CRB1: variants seen among roughly 807,000 people sequenced by gnomAD.
CRB1 encodes the protein crumbs cell polarity complex component 1, also known as protein crumbs homolog 1.
Under a neutral mutation model 120.0 loss-of-function variants are expected in CRB1, and 83 were observed. That is an observed-to-expected ratio of 0.69 (90% CI 0.58 to 0.83). CRB1 has a LOEUF of 0.83. Among genes scored for constraint, CRB1 ranks in the 40% least tolerant of loss-of-function variants. The probability of loss-of-function intolerance (pLI) is 0.00; values close to 1 mark genes in which losing one functional copy is unlikely to be tolerated. For synonymous variants in CRB1, 625 were observed against 612.5 expected, an observed-to-expected ratio of 1.02 and a Z score of -0.30; for missense variants, 1,699 against 1,687.6, an observed-to-expected ratio of 1.01 and a Z score of -0.12.
At chr1:197,226,803 G>A in the CRB1 span, among the ~76,000 whole-genome samples, 2 of 152,158 alleles carry the variant, frequency 1.3e-5, no homozygotes, top group Non-Finnish European at 2.9e-5. Flanking sequence ...AGTTCCACAT[G>A]GCTGGGGAGG....
chr1:197,366,694 G>A (rs1454877837), intron 5 of CRB1, among the ~76,000 whole-genome samples: 1 of 152,182 alleles, frequency 6.6e-6, no homozygotes, highest in East Asian at 1.9e-4. Flanking sequence ...ATCCTAGTGA[G>A]AGGAATCAAG....
intron 5 of CRB1, among the ~76,000 whole-genome samples, chr1:197,372,353 T>C (rs1286745947): frequency 1.3e-5 from 2 of 152,070 alleles, no homozygotes; most frequent in Non-Finnish European, 1.5e-5. Context: ...TTTGATGTCA[T>C]TACCAATAAT....
the CRB1 span, among the ~76,000 whole-genome samples, chr1:197,217,086 A>T: frequency 3.3e-5 from 5 of 152,190 alleles, no homozygotes; most frequent in South Asian, 2.1e-4. Flanking sequence ...ATTGAAATAG[A>T]TATTTTTCCA....
At chr1:197,406,055 A>G (rs1663373860) in intron 5 of CRB1, among the ~76,000 whole-genome samples, 1 of 151,084 alleles carries the variant, frequency 6.6e-6, no homozygotes, top group Admixed American at 6.6e-5. Context: ...CTGCCCGGCC[A>G]CCACCCCGTC....
intron 1 of CRB1, among the ~76,000 whole-genome samples, chr1:197,283,008 T>G (rs1655614234): frequency 6.6e-6 from 1 of 151,722 alleles, no homozygotes; most frequent in Admixed American, 6.6e-5. Flanking sequence ...GTATGGAAGA[T>G]GAGCAATCAG....
At chr1:197,282,570 G>A (rs144686813) in intron 1 of CRB1, among the ~76,000 whole-genome samples, 10 of 151,938 alleles carry the variant, frequency 6.6e-5, no homozygotes, top group Non-Finnish European at 1.5e-4. Context: ...CATAAATTGT[G>A]TTGCTTTGGG....
chr1:197,458,333 G>A (rs1666374293), intron 11 of CRB1, among the ~76,000 whole-genome samples: 1 of 152,034 alleles, frequency 6.6e-6, no homozygotes, highest in Non-Finnish European at 1.5e-5. Flanking sequence ...TGCCCCAAAA[G>A]TGCCATTAAG....
intron 5 of CRB1, among the ~76,000 whole-genome samples, chr1:197,395,977 TTGG>T (rs1292536783): frequency 6.6e-6 from 1 of 152,158 alleles, no homozygotes; most frequent in East Asian, 1.9e-4. Context: ...CTACATTGTA[TTGG>T]TGATCCTGGT....
At chr1:197,382,265 G>T (rs1019779854) in intron 5 of CRB1, among the ~76,000 whole-genome samples, 5 of 152,148 alleles carry the variant, frequency 3.3e-5, no homozygotes, top group African/African-American at 9.7e-5. Context: ...TGCAAAGAAA[G>T]TTCAGTGTAA....
intron 1 of CRB1, among the ~76,000 whole-genome samples, chr1:197,311,698 AGTGTGTGTGT>A (rs57455433): frequency 0.066 from 9,108 of 138,946 alleles, 868 homozygotes; most frequent in African/African-American, 0.21. Flanking sequence ...TCATATAGTT[AGTGTGTGTGT>A]GTGTGTGTGT....
chr1:197,250,278 G>A, the CRB1 span, among the ~76,000 whole-genome samples: 1 of 151,788 alleles, frequency 6.6e-6, no homozygotes, highest in Non-Finnish European at 1.5e-5. Context: ...TTATCCTGTG[G>A]CATTATTTTC....
At chr1:197,457,150 C>T (rs1206917580) in intron 11 of CRB1, among the ~76,000 whole-genome samples, 3 of 152,090 alleles carry the variant, frequency 2.0e-5, no homozygotes, top group African/African-American at 7.2e-5. Context: ...CTTCCCTCCC[C>T]CACACAATCA....
chr1:197,218,459 T>C, the CRB1 span, among the ~76,000 whole-genome samples: 1 of 152,196 alleles, frequency 6.6e-6, no homozygotes, highest in South Asian at 2.1e-4. Flanking sequence ...ATGTAAAGTA[T>C]ATATTTTTAA....
intron 6 of CRB1, among the ~76,000 whole-genome samples, chr1:197,424,809 T>C (rs1322641827): frequency 6.6e-6 from 1 of 152,194 alleles, no homozygotes; most frequent in Non-Finnish European, 1.5e-5. Context: ...CCATCAATCA[T>C]TAAAGCTTGC....
At chr1:197,269,921 C>A (rs2125196211) in intron 1 of CRB1, among the ~76,000 whole-genome samples, 1 of 152,074 alleles carries the variant, frequency 6.6e-6, no homozygotes, top group South Asian at 2.1e-4. Flanking sequence ...ATTTGTTCTC[C>A]AGCATAGTAT....
chr1:197,377,232 A>G (rs936160628), intron 5 of CRB1, among the ~76,000 whole-genome samples: 37 of 152,088 alleles, frequency 2.4e-4, no homozygotes, highest in Admixed American at 2.4e-3. Flanking sequence ...ATTAATTTTT[A>G]ATCTCCCCTC....
chr1:197,316,492 A>G (rs1330469814), intron 1 of CRB1, among the ~76,000 whole-genome samples: 3 of 152,186 alleles, frequency 2.0e-5, no homozygotes, highest in African/African-American at 2.4e-5. Flanking sequence ...CCAGATTTTT[A>G]TATGTGTCTG....
chr1:197,416,186 T>C (rs1376755723), intron 5 of CRB1, among the ~76,000 whole-genome samples: 1 of 152,200 alleles, frequency 6.6e-6, no homozygotes, highest in Non-Finnish European at 1.5e-5. Context: ...TTAAATTCAT[T>C]GAGGACAGGG....
chr1:197,248,494 A>C, the CRB1 span, among the ~76,000 whole-genome samples: 2 of 152,048 alleles, frequency 1.3e-5, no homozygotes, highest in Non-Finnish European at 1.5e-5. Context: ...TGTAATAAAT[A>C]CTTCAAATAC....
Sources: gnomAD v4.1 joint callset for allele counts (sites outside exome capture counted in the v4.1 genomes callset) on GRCh38, gnomAD v4.1.1 for gene constraint, MANE v1.5 for transcripts, NCBI Gene and HGNC (gene_info 2026-07-23, HGNC 2026-07-21) for gene names.